The following TMOD2 variants were observed in gnomAD, a reference collection of about 807,000 sequenced individuals.
TMOD2 encodes the protein tropomodulin 2.
Under a neutral mutation model 39.9 loss-of-function variants are expected in TMOD2, and 22 were observed. That is an observed-to-expected ratio of 0.55 (90% CI 0.39 to 0.79). The LOEUF is 0.79. Ranked by LOEUF, TMOD2 falls within the 30% of genes least tolerant of loss-of-function variation. The pLI, the probability that TMOD2 is intolerant of heterozygous loss-of-function variation, is 0.00. For missense variants in TMOD2, 386 were observed against 413.3 expected (o/e 0.93, Z 0.57); for synonymous variants, 123 against 146.1 (o/e 0.84, Z 1.14).
intron 1 of TMOD2, among the ~76,000 whole-genome samples, 169 bp downstream of exon 1, chr15:51,751,881 CCTCCCGG>C: frequency 6.7e-6 from 1 of 149,898 alleles, no homozygotes; most frequent in East Asian, 2.0e-4. Flanking sequence ...TCGCCTCTCG[CCTCCCGG>C]CCCGGTCGGC....
chr15:51,808,169 A>G (rs1283511718), intron 9 of TMOD2, among the ~76,000 whole-genome samples: 1 of 152,194 alleles, frequency 6.6e-6, no homozygotes, highest in Non-Finnish European at 1.5e-5. Context: ...TGGAATTTCT[A>G]TCCCATAGAA....
intron 7 of TMOD2, among the ~76,000 whole-genome samples, chr15:51,795,373 C>T (rs886915883): frequency 1.1e-4 from 17 of 150,308 alleles, no homozygotes; most frequent in Middle Eastern, 3.4e-3. Context: ...TACAGTGAGC[C>T]GACACAGTGC....
chr15:51,788,011 G>C (rs1234488898), intron 7 of TMOD2, among the ~76,000 whole-genome samples: 1 of 152,192 alleles, frequency 6.6e-6, no homozygotes, highest in Non-Finnish European at 1.5e-5. Context: ...AGTTTGACGA[G>C]TTGACAGAAG....
At chr15:51,758,228 G>C (rs1282597658) in intron 1 of TMOD2, among the ~76,000 whole-genome samples, 1 of 151,944 alleles carries the variant, frequency 6.6e-6, no homozygotes, top group Non-Finnish European at 1.5e-5. Context: ...TGTTTTAACA[G>C]CTACTGTTAC....
In TMOD2 at chr15:51,773,727, C is replaced by G; in HGVS notation, c.299C>G (p.Pro100Arg). The stretch of plus-strand genomic sequence containing the variant: ...TGATTTAAAGGGAGAGTCTTTATCC[C>G]TAAAGAAAAGCCTATAGAAACTCGT... The part of the protein sequence containing the change: ...TGEKKGRVFI[P>R]KEKPIETRKE... Residue 100 changes from proline (P) to arginine (R), a missense_variant, in exon 4 of 10, where the codon CCT (proline) becomes CGT (arginine). Physicochemically the swap from Pro to Arg is moderately radical, Grantham distance 103 (BLOSUM62 -2). Coordinates refer to ENST00000249700, the MANE Select transcript of TMOD2 (RefSeq NM_014548.4). 6.2e-7 allele frequency: 1 copy of G among 1,608,378 alleles called. No homozygotes were observed. Among genetic ancestry groups the G allele is most frequent in the Non-Finnish European group, 8.5e-7 (1 of 1,178,356 alleles).
intron 7 of TMOD2, among the ~76,000 whole-genome samples, chr15:51,786,157 C>A (rs34107777): frequency 5.3e-5 from 8 of 152,030 alleles, no homozygotes. Flanking sequence ...CATTCCAATT[C>A]TAAGATGTGG....
intron 3 of TMOD2, among the ~76,000 whole-genome samples, chr15:51,769,641 C>T (rs866978895): frequency 6.6e-6 from 1 of 152,176 alleles, no homozygotes; most frequent in South Asian, 2.1e-4. Context: ...CTATCAATAG[C>T]CTGTCCAGCT....
chr15:51,769,944 T>C (rs2055842154), intron 3 of TMOD2, among the ~76,000 whole-genome samples: 1 of 152,072 alleles, frequency 6.6e-6, no homozygotes, highest in Non-Finnish European at 1.5e-5. Context: ...TATGGGAGGA[T>C]TGCTTGAACC....
chr15:51,759,097 T>C (rs2055761872), intron 1 of TMOD2, among the ~76,000 whole-genome samples: 1 of 152,198 alleles, frequency 6.6e-6, no homozygotes, highest in African/African-American at 2.4e-5. Flanking sequence ...TAGGGTTGAA[T>C]GTGGACAATG....
intron 8 of TMOD2, among the ~76,000 whole-genome samples, chr15:51,802,648 G>A (rs2056097704): frequency 6.6e-6 from 1 of 152,206 alleles, no homozygotes; most frequent in Non-Finnish European, 1.5e-5. Context: ...AGTAGTGGCA[G>A]CCCTAACCTT....
chr15:51,801,247 A>T (rs893601395), intron 8 of TMOD2, among the ~76,000 whole-genome samples: 38 of 131,952 alleles, frequency 2.9e-4, no homozygotes, highest in African/African-American at 7.1e-4. Flanking sequence ...TCACACACAC[A>T]CACACACACA....
intron 7 of TMOD2, among the ~76,000 whole-genome samples, chr15:51,795,552 C>T (rs1413414791): frequency 6.7e-6 from 1 of 148,300 alleles, no homozygotes; most frequent in Admixed American, 6.8e-5. Flanking sequence ...TATTTGATAA[C>T]TTCTTCTCTT....
intron 1 of TMOD2, among the ~76,000 whole-genome samples, chr15:51,754,700 A>G (rs1204840637): frequency 2.0e-5 from 3 of 152,250 alleles, no homozygotes; most frequent in Non-Finnish European, 4.4e-5. Context: ...GAAATTGCCT[A>G]GCCAGATGTG....
intron 5 of TMOD2, 73 bp from the exon 6 acceptor site, chr15:51,780,971 A>G: frequency 7.7e-7 from 1 of 1,302,414 alleles, no homozygotes; most frequent in Non-Finnish European, 1.1e-6. Context: ...AAGAAATGTC[A>G]TTTTTTGGGA....
chr15:51,754,441 A>G (rs2055728473), intron 1 of TMOD2, among the ~76,000 whole-genome samples: 1 of 152,254 alleles, frequency 6.6e-6, no homozygotes, highest in Non-Finnish European at 1.5e-5. Flanking sequence ...CATAGAAGGC[A>G]TGTGCAGAAG....
intron 1 of TMOD2, among the ~76,000 whole-genome samples, chr15:51,757,401 C>CAA (rs3078133): frequency 3.0e-3 from 245 of 81,320 alleles, no homozygotes; most frequent in Middle Eastern, 6.8e-3. Flanking sequence ...GACTCCGTCT[C>CAA]AAAAAAAAAA....
chr15:51,769,729 T>C (rs182242748), intron 3 of TMOD2, among the ~76,000 whole-genome samples: 47 of 152,228 alleles, frequency 3.1e-4, no homozygotes, highest in Non-Finnish European at 5.9e-4. Flanking sequence ...TACAATCTTT[T>C]TATAATACAA....
intron 8 of TMOD2, among the ~76,000 whole-genome samples, chr15:51,805,072 C>G (rs925720051): frequency 1.3e-5 from 2 of 152,040 alleles, no homozygotes; most frequent in Non-Finnish European, 2.9e-5. Context: ...GATTCTCCTG[C>G]CTCAGCCTCC....
At chr15:51,774,362 C>G (rs1409232708) in intron 4 of TMOD2, among the ~76,000 whole-genome samples, 1 of 152,140 alleles carries the variant, frequency 6.6e-6, no homozygotes, top group Non-Finnish European at 1.5e-5. Flanking sequence ...GTCTCTCGAC[C>G]TGAATTACCT....
Sources: gnomAD v4.1 joint callset for allele counts (sites outside exome capture counted in the v4.1 genomes callset) on GRCh38, gnomAD v4.1.1 for gene constraint, MANE v1.5 for transcripts, NCBI Gene and HGNC (gene_info 2026-07-23, HGNC 2026-07-21) for gene names.